FCHSD2: variants seen among roughly 807,000 people sequenced by gnomAD.
FCHSD2 encodes F-BAR and double SH3 domains protein 2.
A neutral mutation model predicts 108.1 loss-of-function variants in FCHSD2; 38 were observed. The observed-to-expected ratio is 0.35, with a 90% CI of 0.27 to 0.46. The LOEUF is 0.46. Among genes scored for constraint, FCHSD2 ranks in the 20% least tolerant of loss-of-function variants. The probability of loss-of-function intolerance (pLI) is 1.00; values close to 1 mark genes in which losing one functional copy is unlikely to be tolerated. For missense variants in FCHSD2, 751 were observed against 897.8 expected, an observed-to-expected ratio of 0.84 and a Z score of 2.09; for synonymous variants, 279 against 314.7, an observed-to-expected ratio of 0.89 and a Z score of 1.20.
chr11:72,850,387 T>C (rs2135170651), intron 13 of FCHSD2, among the ~76,000 whole-genome samples: 1 of 151,670 alleles, frequency 6.6e-6, no homozygotes, highest in Non-Finnish European at 1.5e-5. Flanking sequence ...TTTTTTTTAT[T>C]TTATTTTTGA....
intron 2 of FCHSD2, among the ~76,000 whole-genome samples, chr11:73,133,653 G>A (rs748212723): frequency 1.3e-5 from 2 of 151,976 alleles, no homozygotes; most frequent in African/African-American, 2.4e-5. Context: ...AAAATTAGCT[G>A]GGTACGGTGG....
At chr11:72,976,552 T>A (rs925485832) in intron 8 of FCHSD2, among the ~76,000 whole-genome samples, 3 of 152,242 alleles carry the variant, frequency 2.0e-5, no homozygotes, top group East Asian at 1.9e-4. Context: ...AGTGCTGGGA[T>A]GACAGGTGTA....
At chr11:72,984,313 A>C in intron 7 of FCHSD2, 97 bp from the exon 8 acceptor site, 1 of 1,140,288 alleles carries the variant, frequency 8.8e-7, no homozygotes, top group Non-Finnish European at 1.3e-6. Context: ...TGGCTCCCCA[A>C]CAAGAATAAA....
At chr11:72,947,540 G>T (rs1195459858) in intron 8 of FCHSD2, among the ~76,000 whole-genome samples, 1 of 152,180 alleles carries the variant, frequency 6.6e-6, no homozygotes, top group Non-Finnish European at 1.5e-5. Context: ...GAGTCACTGA[G>T]TCTAGCAAGA....
chr11:73,103,495 C>T (rs2135535276), intron 2 of FCHSD2, among the ~76,000 whole-genome samples: 1 of 152,254 alleles, frequency 6.6e-6, no homozygotes, highest in South Asian at 2.1e-4. Context: ...TATCTGCCGC[C>T]TTCTGTACTC....
At chr11:73,039,720 A>T (rs888297347) in intron 3 of FCHSD2, among the ~76,000 whole-genome samples, 5 of 152,228 alleles carry the variant, frequency 3.3e-5, no homozygotes, top group African/African-American at 1.2e-4. Context: ...ATTATCAAGG[A>T]TAACGAATGA....
At chr11:72,897,016 C>G (rs1276333168) in intron 10 of FCHSD2, among the ~76,000 whole-genome samples, 1 of 151,772 alleles carries the variant, frequency 6.6e-6, no homozygotes, top group Non-Finnish European at 1.5e-5. Context: ...TTAGTAGAGA[C>G]AGGGTTTCAC....
At chr11:73,038,660 C>G (rs370345537) in intron 3 of FCHSD2, among the ~76,000 whole-genome samples, 5 of 152,176 alleles carry the variant, frequency 3.3e-5, no homozygotes, top group African/African-American at 1.2e-4. Flanking sequence ...TACAAATGGA[C>G]ATAAACATGG....
chr11:72,847,353 T>A (rs989346776), intron 14 of FCHSD2, among the ~76,000 whole-genome samples: 1 of 152,204 alleles, frequency 6.6e-6, no homozygotes, highest in African/African-American at 2.4e-5. Context: ...AGGGAAGGAT[T>A]CATTTGTTCA....
chr11:72,909,212 T>A (rs1244774626), intron 9 of FCHSD2, among the ~76,000 whole-genome samples: 3 of 151,570 alleles, frequency 2.0e-5, no homozygotes, highest in African/African-American at 7.3e-5. Flanking sequence ...GGTTTTTGTA[T>A]TTTTGGTGGA....
chr11:72,850,438 G>A (rs1323274325), intron 13 of FCHSD2, among the ~76,000 whole-genome samples: 2 of 151,468 alleles, frequency 1.3e-5, no homozygotes, highest in East Asian at 1.9e-4. Flanking sequence ...GTGTAGTGGC[G>A]TGATCTCGGC....
chr11:72,878,321 T>A (rs1038562841), intron 12 of FCHSD2, among the ~76,000 whole-genome samples: 3 of 152,184 alleles, frequency 2.0e-5, no homozygotes, highest in African/African-American at 7.2e-5. Flanking sequence ...TAATTGTCCA[T>A]GTTAATTGGA....
intron 8 of FCHSD2, among the ~76,000 whole-genome samples, chr11:72,942,485 G>A (rs771669638): frequency 1.6e-4 from 25 of 152,172 alleles, no homozygotes; most frequent in South Asian, 8.3e-4. Flanking sequence ...AAGGACTTAC[G>A]TGTATAACAA....
intron 12 of FCHSD2, among the ~76,000 whole-genome samples, chr11:72,879,264 G>A (rs780748630): frequency 9.2e-5 from 14 of 152,082 alleles, no homozygotes; most frequent in Non-Finnish European, 1.8e-4. Flanking sequence ...AGCAAGCTTC[G>A]AAATGATCAA....
intron 14 of FCHSD2, among the ~76,000 whole-genome samples, chr11:72,845,302 T>G (rs540576660): frequency 6.5e-4 from 98 of 151,836 alleles, no homozygotes; most frequent in African/African-American, 2.2e-3. Context: ...GTGCCTGTAA[T>G]CCCAGCTACT....
intron 3 of FCHSD2, among the ~76,000 whole-genome samples, chr11:73,040,916 A>C (rs1858620645): frequency 6.6e-6 from 1 of 151,914 alleles, no homozygotes; most frequent in Non-Finnish European, 1.5e-5. Context: ...CTATCATTCT[A>C]CTCTCAATCT....
intron 8 of FCHSD2, among the ~76,000 whole-genome samples, chr11:72,950,830 T>C (rs1390526188): frequency 6.6e-6 from 1 of 152,204 alleles, no homozygotes; most frequent in Non-Finnish European, 1.5e-5. Flanking sequence ...CCGCCAAATG[T>C]TATCCCTTTC....
intron 3 of FCHSD2, among the ~76,000 whole-genome samples, chr11:73,068,599 T>G (rs1254429910): frequency 6.6e-6 from 1 of 151,380 alleles, no homozygotes; most frequent in African/African-American, 2.4e-5. Flanking sequence ...GTTTTATCAG[T>G]TTTTATACAG....
intron 2 of FCHSD2, among the ~76,000 whole-genome samples, chr11:73,134,339 G>A (rs911719545): frequency 1.3e-5 from 2 of 152,028 alleles, no homozygotes; most frequent in African/African-American, 4.8e-5. Flanking sequence ...GCATGGTGGT[G>A]CATGCCTGTG....
Sources: allele counts gnomAD v4.1 joint callset (sites outside exome capture counted in the v4.1 genomes callset), GRCh38; gene constraint gnomAD v4.1.1; transcripts MANE v1.5; gene names NCBI Gene and HGNC (gene_info 2026-07-23, HGNC 2026-07-21).